The following KCNH1 variants were observed in gnomAD, a reference collection of about 807,000 sequenced individuals.
KCNH1 encodes potassium voltage-gated channel subfamily H member 1.
A neutral mutation model predicts 69.2 loss-of-function variants in KCNH1; 27 were observed. That is an observed-to-expected ratio of 0.39 (90% CI 0.29 to 0.54). The LOEUF is 0.54. Ranked by LOEUF, KCNH1 falls within the 20% of genes least tolerant of loss-of-function variation. The pLI is 0.68. For synonymous variants in KCNH1, 456 were observed against 487.7 expected (o/e 0.93, Z 0.86); for missense variants, 798 against 1,261.6 (o/e 0.63, Z 5.57).
chr1:210,725,535 G>A (rs1682569922), intron 10 of KCNH1, among the ~76,000 whole-genome samples: 1 of 152,142 alleles, frequency 6.6e-6, no homozygotes, highest in South Asian at 2.1e-4. Flanking sequence ...ACTCAGTCTG[G>A]GGGTAGGGGG....
chr1:211,096,166 C>T lies in KCNH1; in HGVS notation c.311-5476G>A, dbSNP rs1163319455. ...GCAACTTCCACCTCCCAGGCTCAAG[C>T]GATTCTCCTGCCTCAGCCTCCTGAG... is the stretch of plus-strand genomic sequence containing the variant. On this transcript the variant is annotated intron_variant, in intron 3 of 10. Transcript: ENST00000271751. Among the ~76,000 whole-genome samples the T allele has an allele frequency of 3.9e-5, 6 of 152,050 alleles. No homozygotes were observed. The South Asian group carries it at 6.2e-4, about 16-fold the overall frequency.
intron 5 of KCNH1, among the ~76,000 whole-genome samples, chr1:211,067,137 T>G (rs1262472210): frequency 6.6e-6 from 1 of 152,126 alleles, no homozygotes; most frequent in East Asian, 1.9e-4. Context: ...GCAGAGTCAC[T>G]CCCGCATGGA....
At chr1:210,692,020 C>T (rs2149005627) in intron 10 of KCNH1, among the ~76,000 whole-genome samples, 1 of 152,318 alleles carries the variant, frequency 6.6e-6, no homozygotes, top group East Asian at 1.9e-4. Flanking sequence ...ACCCTAGAGG[C>T]TAGAGCTGTT....
chr1:210,990,818 G>T (rs1303533410), intron 6 of KCNH1, among the ~76,000 whole-genome samples: 2 of 152,022 alleles, frequency 1.3e-5, no homozygotes, highest in African/African-American at 4.8e-5. Context: ...CATCCATTTT[G>T]ATTATAAGAA....
chr1:210,838,347 G>T (rs1195888540), intron 7 of KCNH1, among the ~76,000 whole-genome samples: 1 of 152,120 alleles, frequency 6.6e-6, no homozygotes, highest in Non-Finnish European at 1.5e-5. Flanking sequence ...ATCAACTAAA[G>T]ATGGATTAAA....
intron 7 of KCNH1, among the ~76,000 whole-genome samples, chr1:210,831,340 C>G (rs980965451): frequency 2.0e-5 from 3 of 152,180 alleles, no homozygotes; most frequent in Admixed American, 6.5e-5. Flanking sequence ...CATTTTTAGG[C>G]TTCCAGAAAT....
chr1:210,835,094 G>T (rs772160094), intron 7 of KCNH1, among the ~76,000 whole-genome samples: 23 of 152,134 alleles, frequency 1.5e-4, no homozygotes, highest in Admixed American at 3.3e-4. Flanking sequence ...CTCATAGAAT[G>T]CCTTTTGTTT....
intron 10 of KCNH1, among the ~76,000 whole-genome samples, chr1:210,713,486 G>A (rs140525259): frequency 1.3e-5 from 2 of 152,164 alleles, no homozygotes; most frequent in Admixed American, 1.3e-4. Flanking sequence ...CAGGACTGTG[G>A]TAGGCTCTGG....
chr1:210,951,665 T>C (rs905726903), intron 6 of KCNH1, among the ~76,000 whole-genome samples: 3 of 152,202 alleles, frequency 2.0e-5, no homozygotes, highest in Non-Finnish European at 4.4e-5. Context: ...GATTATGCTT[T>C]TTCTGTAATG....
At chr1:211,084,709 G>A (rs2102468614) in intron 4 of KCNH1, among the ~76,000 whole-genome samples, 1 of 152,308 alleles carries the variant, frequency 6.6e-6, no homozygotes, top group South Asian at 2.1e-4. Flanking sequence ...GCATGGGCAG[G>A]AAAGAAGGAA....
At position 210,688,310 on chromosome 1, in the gene KCNH1, G is replaced by C. The variant is rs543237643; in HGVS notation, c.2113-4172C>G. On this transcript the variant is annotated intron_variant, in intron 10 of 10. Transcript: ENST00000271751. The stretch of plus-strand genomic sequence containing the variant: ...AGTTGTTTCCTGTTCCAACTGAAGG[G>C]GACCTCTTGTCTCTAACTCATTCAC... 2.2e-4 allele frequency among the ~76,000 whole-genome samples: 34 copies of C among 152,240 alleles called. 1 individual carries two copies. The South Asian group carries it at 6.8e-3, about 31-fold the overall frequency.
At chr1:210,856,950 A>G (rs1052792683) in intron 7 of KCNH1, among the ~76,000 whole-genome samples, 4 of 140,942 alleles carry the variant, frequency 2.8e-5, no homozygotes, top group Non-Finnish European at 4.7e-5. Flanking sequence ...AGTAGCCTAT[A>G]ATGGAGGTCT....
chr1:210,786,599 C>T (rs1684108790), intron 9 of KCNH1, among the ~76,000 whole-genome samples: 1 of 152,128 alleles, frequency 6.6e-6, no homozygotes, highest in African/African-American at 2.4e-5. Context: ...TCAGCCTCTC[C>T]CCTGGCTTCA....
At chr1:210,817,107 G>A (rs921382249) in intron 7 of KCNH1, among the ~76,000 whole-genome samples, 28 of 152,230 alleles carry the variant, frequency 1.8e-4, no homozygotes, top group South Asian at 1.7e-3. Flanking sequence ...GTTGCTAAGT[G>A]ACACTGTAAG....
At chr1:210,901,176 C>T (rs1483509928) in intron 7 of KCNH1, among the ~76,000 whole-genome samples, 1 of 152,136 alleles carries the variant, frequency 6.6e-6, no homozygotes, top group African/African-American at 2.4e-5. Flanking sequence ...CCTCTACCCC[C>T]ACTTCCACAC....
At chr1:210,936,252 G>A (rs1172660523) in intron 6 of KCNH1, among the ~76,000 whole-genome samples, 2 of 152,134 alleles carry the variant, frequency 1.3e-5, no homozygotes, top group African/African-American at 4.8e-5. Flanking sequence ...TCCTTCTCCA[G>A]CTAAAGACCT....
intron 6 of KCNH1, among the ~76,000 whole-genome samples, chr1:211,007,621 T>C (rs932629426): frequency 6.6e-6 from 1 of 152,136 alleles, no homozygotes; most frequent in Non-Finnish European, 1.5e-5. Flanking sequence ...CCTAATCAAA[T>C]TGTGCTCAGA....
At chr1:210,870,592 T>G (rs1006644196) in intron 7 of KCNH1, among the ~76,000 whole-genome samples, 11 of 152,180 alleles carry the variant, frequency 7.2e-5, no homozygotes, top group African/African-American at 2.4e-4. Flanking sequence ...AATGTTCTTA[T>G]CCTTGTCCCA....
Position 211,014,587 on chromosome 1 carries a change from GA to G in KCNH1, c.1032+4195del, listed in dbSNP as rs1689458035. Among the ~76,000 whole-genome samples, 4 of 151,972 alleles carry G rather than the reference GA, an allele frequency of 2.6e-5. No homozygotes were observed. In the South Asian group the frequency reaches 8.3e-4, roughly 32 times the overall value. On this transcript the variant is annotated intron_variant, in intron 6 of 10. Transcript: ENST00000271751. ...TTTACCCCAGTTCTTTTTTGACCCA[GA>G]CTTTGGGTGGCTCCAATCTTTTCAC... is the stretch of plus-strand genomic sequence containing the variant.
Sources: gnomAD v4.1 joint callset for allele counts (sites outside exome capture counted in the v4.1 genomes callset) on GRCh38, gnomAD v4.1.1 for gene constraint, MANE v1.5 for transcripts, NCBI Gene and HGNC (gene_info 2026-07-23, HGNC 2026-07-21) for gene names.